The following ZNF85 variants were observed in gnomAD, a reference collection of about 807,000 sequenced individuals.
ZNF85 encodes the protein zinc finger protein 85, also known as zinc finger protein 85 (HPF4, HTF1).
A neutral mutation model predicts 53.9 loss-of-function variants in ZNF85; 50 were observed. That is an observed-to-expected ratio of 0.93 (90% CI 0.74 to 1.17). ZNF85 has a LOEUF of 1.17. ZNF85 is among the 50% of genes most tolerant of loss of function. ZNF85 has a pLI of 0.00. For missense variants in ZNF85, 747 were observed against 688.5 expected (o/e 1.08, Z -0.95); for synonymous variants, 225 against 226.1 (o/e 1.00, Z 0.04).
At chr19:20,927,901 T>C (rs906076992) in intron 1 of ZNF85, 1 of 152,166 alleles carries the variant, frequency 6.6e-6, no homozygotes, top group Non-Finnish European at 1.5e-5. Flanking sequence ...AAAGTGTTTC[T>C]TTTCATAAAC....
Position 20,948,968 on chromosome 19 carries a change from G to A in ZNF85, c.454G>A (p.Val152Ile). The change falls in exon 4 of 4, where the codon GTA becomes ATA. Residue 152 changes from valine (V) to isoleucine (I), a missense_variant. Val to Ile is a conservative substitution (Grantham distance 29). Transcript: ENST00000328178. ...CAAAATATTTCAATGTGATAAATAT[G>A]TAAAAGTCGCTCATAAATTTTCAAA... ...QSKIFQCDKY[V>I]KVAHKFSNSN... 6.2e-7 allele frequency: 1 copy of A among 1,613,654 alleles called. No individual in the cohort carries two copies. Among genetic ancestry groups the A allele is most frequent in the Non-Finnish European group, 8.5e-7 (1 of 1,179,756 alleles).
intron 2 of ZNF85, among the ~76,000 whole-genome samples, chr19:20,934,558 A>G (rs1350842468): frequency 6.6e-6 from 1 of 152,128 alleles, no homozygotes; most frequent in Non-Finnish European, 1.5e-5. Context: ...TCACGAGGTC[A>G]GGAGATCGAG....
chr19:20,939,117 C>T (rs896507643), intron 3 of ZNF85, among the ~76,000 whole-genome samples: 1 of 152,112 alleles, frequency 6.6e-6, no homozygotes, highest in Non-Finnish European at 1.5e-5. Context: ...AAAGTACCTG[C>T]TTTCCATGAG....
intron 3 of ZNF85, among the ~76,000 whole-genome samples, chr19:20,935,538 G>C (rs929596159): frequency 3.3e-5 from 5 of 152,034 alleles, no homozygotes; most frequent in African/African-American, 9.7e-5. Flanking sequence ...AAATTATAAA[G>C]TATGATGCCC....
intron 1 of ZNF85, among the ~76,000 whole-genome samples, chr19:20,929,667 T>C (rs1972961527): frequency 1.3e-5 from 2 of 152,322 alleles, no homozygotes; most frequent in East Asian, 1.9e-4. Context: ...TAGGTAAGCT[T>C]AGGAAAAACA....
intron 3 of ZNF85, among the ~76,000 whole-genome samples, chr19:20,936,231 A>T (rs112354645): frequency 0.012 from 1,813 of 152,112 alleles, 33 homozygotes; most frequent in African/African-American, 0.035. Flanking sequence ...ATATAAGATT[A>T]TATGATCTAC....
intron 3 of ZNF85, among the ~76,000 whole-genome samples, chr19:20,935,511 T>G (rs985154539): frequency 3.1e-4 from 47 of 152,356 alleles, no homozygotes; most frequent in African/African-American, 1.1e-3. Flanking sequence ...ATTACTACAT[T>G]CTTGAAATAT....
At chr19:20,925,750 G>A (rs1461834634) in intron 1 of ZNF85, among the ~76,000 whole-genome samples, 3 of 152,100 alleles carry the variant, frequency 2.0e-5, no homozygotes, top group Non-Finnish European at 4.4e-5. Flanking sequence ...GTGATTGAAC[G>A]GCCTGACTTG....
rs61738573 is a variant in ZNF85, at chr19:20,949,266, T to C, written c.752T>C (p.Ile251Thr). The change falls in exon 4 of 4, where the codon ATT becomes ACT. Residue 251 changes from isoleucine to threonine, a missense_variant. Transcript: ENST00000328178. ...TCAAACCTTATTAAACATAAGAAAA[T>C]TCATACTGGAGAGAAACCCTACAAA... Reference protein sequence around the residue: ...QSSNLIKHKKIHTGEKPYKCE... With the variant: ...QSSNLIKHKKTHTGEKPYKCE... 0.023 allele frequency: 37,045 copies of C among 1,612,976 alleles called. 534 individuals are homozygous for C. Among genetic ancestry groups the C allele is most frequent in the Non-Finnish European group, 0.028 (32,557 of 1,179,738 alleles).
At chr19:20,925,184 C>T (rs1421271360) in intron 1 of ZNF85, among the ~76,000 whole-genome samples, 3 of 152,116 alleles carry the variant, frequency 2.0e-5, no homozygotes, top group South Asian at 4.1e-4. Flanking sequence ...CCCAGCTGGG[C>T]GCGGTGGCTC....
At chr19:20,940,995 A>G (rs997427306) in intron 3 of ZNF85, among the ~76,000 whole-genome samples, 5 of 152,070 alleles carry the variant, frequency 3.3e-5, no homozygotes, top group African/African-American at 9.7e-5. Context: ...TCTGTGTTGC[A>G]TAGTTCGGAT....
intron 1 of ZNF85, among the ~76,000 whole-genome samples, chr19:20,926,090 T>C (rs778335904): frequency 9.9e-5 from 15 of 152,190 alleles, no homozygotes; most frequent in Non-Finnish European, 1.5e-4. Context: ...TAGAATGTTA[T>C]CAGGGAAAAA....
chr19:20,940,029 G>T (rs1485226705), intron 3 of ZNF85, among the ~76,000 whole-genome samples: 1 of 149,824 alleles, frequency 6.7e-6, no homozygotes, highest in Non-Finnish European at 1.5e-5. Flanking sequence ...GTTTCATCTT[G>T]TTTAAGTGAG....
intron 3 of ZNF85, among the ~76,000 whole-genome samples, chr19:20,939,218 G>C (rs912651906): frequency 1.3e-5 from 2 of 152,166 alleles, no homozygotes; most frequent in Admixed American, 1.3e-4. Flanking sequence ...ATTTATTACT[G>C]TCTTGCAGTT....
intron 1 of ZNF85, among the ~76,000 whole-genome samples, chr19:20,923,864 C>G (rs1395208953): frequency 6.6e-6 from 1 of 152,066 alleles, no homozygotes; most frequent in Non-Finnish European, 1.5e-5. Context: ...GGCGGATCAT[C>G]TGAGGTCAGG....
intron 3 of ZNF85, among the ~76,000 whole-genome samples, chr19:20,939,048 T>A (rs1973231762): frequency 6.6e-6 from 1 of 152,180 alleles, no homozygotes; most frequent in South Asian, 2.1e-4. Flanking sequence ...ATATTCTATT[T>A]ATGCTTATAC....
intron 3 of ZNF85, among the ~76,000 whole-genome samples, chr19:20,944,937 T>C (rs1973385593): frequency 6.6e-6 from 1 of 152,308 alleles, no homozygotes; most frequent in East Asian, 1.9e-4. Flanking sequence ...TCTATTTTCC[T>C]ATAACTTGTG....
At chr19:20,932,581 C>T (rs1321703524) in intron 1 of ZNF85, among the ~76,000 whole-genome samples, 1 of 151,992 alleles carries the variant, frequency 6.6e-6, no homozygotes, top group Non-Finnish European at 1.5e-5. Flanking sequence ...AGATGGAAAA[C>T]ATGTAATGTT....
intron 1 of ZNF85, among the ~76,000 whole-genome samples, chr19:20,924,490 A>G (rs200195502): frequency 6.6e-6 from 1 of 152,178 alleles, no homozygotes; most frequent in African/African-American, 2.4e-5. Context: ...TTCACAGTCC[A>G]CAGGGGACTT....
Sources: allele counts gnomAD v4.1 joint callset (sites outside exome capture counted in the v4.1 genomes callset), GRCh38; gene constraint gnomAD v4.1.1; transcripts MANE v1.5; gene names NCBI Gene and HGNC (gene_info 2026-07-23, HGNC 2026-07-21).